The following EVC2 variants were observed in gnomAD, a reference collection of about 807,000 sequenced individuals.
The protein encoded by EVC2 is EvC ciliary complex subunit 2, also known as limbin.
Under a neutral mutation model 149.3 loss-of-function variants are expected in EVC2, and 148 were observed. The observed-to-expected ratio is 0.99, with a 90% CI of 0.87 to 1.14. EVC2 has a LOEUF of 1.14. Ranked by LOEUF, EVC2 falls within the 50% of genes most tolerant of loss-of-function variation. EVC2 has a pLI of 0.00. For synonymous variants in EVC2, 776 were observed against 649.9 expected (o/e 1.19, Z -2.95); for missense variants, 1,854 against 1,627.3 (o/e 1.14, Z -2.40).
At chr4:5,647,313 T>G (rs1432357695) in intron 9 of EVC2, among the ~76,000 whole-genome samples, 1 of 152,194 alleles carries the variant, frequency 6.6e-6, no homozygotes. Context: ...CTCTGCATAG[T>G]GTCACTATGA....
chr4:5,566,548 A>T (rs73072298), intron 20 of EVC2, among the ~76,000 whole-genome samples: 382 of 152,198 alleles, frequency 2.5e-3, no homozygotes, highest in African/African-American at 7.6e-3. Flanking sequence ...GAAACCCAAG[A>T]CTCATAACTG....
intron 1 of EVC2, among the ~76,000 whole-genome samples, chr4:5,700,191 G>A (rs993463808): frequency 1.3e-5 from 2 of 152,172 alleles, no homozygotes; most frequent in African/African-American, 4.8e-5. Flanking sequence ...CACTATGTAT[G>A]TGTGTGGGCA....
chr4:5,541,056 T>C (rs542735775), downstream of EVC2, among the ~76,000 whole-genome samples: 5 of 152,346 alleles, frequency 3.3e-5, no homozygotes, highest in African/African-American at 1.2e-4. Flanking sequence ...TTTTAGCTTT[T>C]CCAGCTGCCG....
At position 5,618,411 on chromosome 4, in the gene EVC2, C is replaced by T; in HGVS notation, c.2706+67G>A. 1 of 1,589,964 alleles carries T rather than the reference C, an allele frequency of 6.3e-7. No homozygotes were observed. Among genetic ancestry groups the T allele is most frequent in the Admixed American group, 1.7e-5 (1 of 59,634 alleles). Reference sequence around the variant, plus strand: ...GGCTCAGGCTGGGGAAGAGGCCAGACCCTGTAGGGCCAGCAGCTGGGAGAC... The same window carrying T: ...GGCTCAGGCTGGGGAAGAGGCCAGATCCTGTAGGGCCAGCAGCTGGGAGAC... On this transcript the variant is annotated intron_variant, in intron 15 of 21. Coordinates refer to ENST00000344408, the MANE Select transcript of EVC2 (RefSeq NM_147127.5). The surrounding 1 kb of genome is among the most constrained non-coding windows in gnomAD (Gnocchi z 4.4).
In EVC2 at chr4:5,689,942, G is replaced by A. The variant is rs114310396; in HGVS notation, c.520-599C>T. Among the ~76,000 whole-genome samples, 1,105 of 152,296 alleles carry A rather than the reference G, an allele frequency of 7.3e-3. 6 individuals are homozygous for A. The highest frequency in any genetic ancestry group is 0.012 in the South Asian group (57 of 4,834). On this transcript the variant is annotated intron_variant, in intron 4 of 21. Transcript: ENST00000344408. ...CTTGTCTCCCAGCCCTCCTGCACCA[G>A]CTTCTCTCCAGCTCTGCTGAAATAC...
chr4:5,641,204 A>G (rs1354941072), intron 9 of EVC2, among the ~76,000 whole-genome samples: 2 of 152,240 alleles, frequency 1.3e-5, no homozygotes, highest in Non-Finnish European at 2.9e-5. Context: ...AAATCAATTT[A>G]TGGACATGAC....
At chr4:5,579,475 G>T (rs1006570979) in intron 17 of EVC2, among the ~76,000 whole-genome samples, 15 of 152,306 alleles carry the variant, frequency 9.8e-5, no homozygotes, top group African/African-American at 3.4e-4. Context: ...GCGAAAGGTG[G>T]AAAGCAGAAA....
In EVC2 at chr4:5,640,506, T is replaced by C. The variant is rs761155878; in HGVS notation, c.1470+8A>G. 2.5e-6 allele frequency: 4 copies of C among 1,614,086 alleles called. No individual in the cohort carries two copies. The South Asian group carries it at 3.3e-5, about 13-fold the overall frequency. On this transcript the variant is annotated splice_region_variant and intron_variant, in intron 10 of 21. Coordinates refer to ENST00000344408, the MANE Select transcript of EVC2 (RefSeq NM_147127.5). This position sits in a 1 kb window ranked among gnomAD's most constrained non-coding sequence, Gnocchi z 4.6. ...GAAGTGAACGCCTTCCTTTCAGACCTGTCTTACCCTCTCACCAGCACGTTT... is the reference window on the plus strand; with the variant it reads ...GAAGTGAACGCCTTCCTTTCAGACCCGTCTTACCCTCTCACCAGCACGTTT...
chr4:5,650,638 T>TATATATATATATAGAGAG (rs1162935817), intron 9 of EVC2, among the ~76,000 whole-genome samples: 1 of 45,100 alleles, frequency 2.2e-5, no homozygotes, highest in Non-Finnish European at 4.0e-5. Context: ...TATATATATA[T>TATATATATATATAGAGAG]AGAGAGAGAG....
chr4:5,661,458 T>C (rs1199817039), intron 9 of EVC2, among the ~76,000 whole-genome samples: 1 of 152,152 alleles, frequency 6.6e-6, no homozygotes, highest in African/African-American at 2.4e-5. Context: ...CACAGAGATA[T>C]GAGACAAGAA....
chr4:5,592,775 C>G (rs1476489692), intron 16 of EVC2, among the ~76,000 whole-genome samples: 1 of 152,192 alleles, frequency 6.6e-6, no homozygotes, highest in Non-Finnish European at 1.5e-5. Context: ...TGTAAAAACA[C>G]TGCATATGTG....
In EVC2 at chr4:5,659,343, G is replaced by A. The variant is rs28661258; in HGVS notation, c.1145+3764C>T. Among the ~76,000 whole-genome samples the A allele has an allele frequency of 3.7e-3, 565 of 151,018 alleles. 3 individuals carry two copies. The highest frequency in any genetic ancestry group is 0.013 in the African/African-American group (537 of 41,020). The stretch of plus-strand genomic sequence containing the variant: ...TCTGAGTGACATTTTCTTTCTGGGA[G>A]CATCTAAGCAGGACCACAGAGCAAG... On this transcript the variant is annotated intron_variant, in intron 9 of 21. Coordinates refer to ENST00000344408, the MANE Select transcript of EVC2 (RefSeq NM_147127.5).
intron 17 of EVC2, among the ~76,000 whole-genome samples, chr4:5,578,255 A>G (rs1723052667): frequency 1.3e-5 from 2 of 152,288 alleles, no homozygotes; most frequent in African/African-American, 4.8e-5. Context: ...CAGTCAGCAC[A>G]GTGCATAGCT....
At chr4:5,595,809 G>A (rs954612975) in intron 16 of EVC2, among the ~76,000 whole-genome samples, 5 of 152,170 alleles carry the variant, frequency 3.3e-5, no homozygotes, top group African/African-American at 9.7e-5. Flanking sequence ...TCTGTGTGCT[G>A]TATTCAGGAA....
chr4:5,579,526 G>C (rs1711568458), intron 17 of EVC2, among the ~76,000 whole-genome samples: 1 of 152,130 alleles, frequency 6.6e-6, no homozygotes, highest in Non-Finnish European at 1.5e-5. Flanking sequence ...TGGTCCATAG[G>C]GAGAAAGGCA....
At chr4:5,668,081 G>C (rs1458294962) in intron 7 of EVC2, among the ~76,000 whole-genome samples, 1 of 152,198 alleles carries the variant, frequency 6.6e-6, no homozygotes, top group African/African-American at 2.4e-5. Flanking sequence ...TCTGTCTCCA[G>C]AAAAGCCAAC....
intron 21 of EVC2, among the ~76,000 whole-genome samples, chr4:5,564,619 G>A (rs954383307): frequency 2.6e-5 from 4 of 152,194 alleles, no homozygotes; most frequent in African/African-American, 9.7e-5. Context: ...AACCCCTTAT[G>A]AATCTACCTG....
the EVC2 span, among the ~76,000 whole-genome samples, chr4:5,529,966 C>A: frequency 1.5e-4 from 23 of 152,028 alleles, no homozygotes; most frequent in African/African-American, 5.6e-4. The surrounding 1 kb of genome is among the most constrained non-coding windows in gnomAD (Gnocchi z 4.5). Context: ...CAGGTGCCCA[C>A]CACTACGCCT....
intron 15 of EVC2, among the ~76,000 whole-genome samples, chr4:5,617,836 T>C (rs1041788831): frequency 3.3e-5 from 5 of 152,128 alleles, no homozygotes; most frequent in African/African-American, 1.2e-4. Flanking sequence ...GAGGTCTCTC[T>C]AGGATCAACC....
Sources: allele counts gnomAD v4.1 joint callset (sites outside exome capture counted in the v4.1 genomes callset), GRCh38; gene constraint gnomAD v4.1.1; non-coding constraint Gnocchi (gnomAD v3.1); transcripts MANE v1.5; gene names NCBI Gene and HGNC (gene_info 2026-07-23, HGNC 2026-07-21).